The following RBM6 variants were observed in gnomAD, a reference collection of about 807,000 sequenced individuals.
The protein encoded by RBM6 is RNA-binding protein 6.
A neutral mutation model predicts 140.4 loss-of-function variants in RBM6; 23 were observed. That is an observed-to-expected ratio of 0.16 (90% CI 0.12 to 0.23). The LOEUF (loss-of-function observed/expected upper bound fraction) is 0.23, where lower values mean the gene tolerates loss of function less well. RBM6 is among the 10% of genes least tolerant of loss of function. The pLI is 1.00. For missense variants in RBM6, 1,139 were observed against 1,386.7 expected (o/e 0.82, Z 2.84); for synonymous variants, 439 against 475.6 (o/e 0.92, Z 1.00).
At chr3:49,975,802 T>G (rs1273335002) in intron 5 of RBM6, among the ~76,000 whole-genome samples, 1 of 152,224 alleles carries the variant, frequency 6.6e-6, no homozygotes, top group Non-Finnish European at 1.5e-5. Context: ...CCAGAGAAAT[T>G]GTACAAATTA....
At chr3:49,995,747 T>C (rs1156831238) in intron 5 of RBM6, among the ~76,000 whole-genome samples, 3 of 152,176 alleles carry the variant, frequency 2.0e-5, no homozygotes, top group Non-Finnish European at 4.4e-5. Flanking sequence ...AAAATAAGTC[T>C]GTCCATGGGA....
At chr3:50,054,580 A>G (rs887558914) in intron 8 of RBM6, among the ~76,000 whole-genome samples, 185 bp downstream of exon 8, 4 of 148,798 alleles carry the variant, frequency 2.7e-5, no homozygotes, top group African/African-American at 1.0e-4. Flanking sequence ...ATCTTGGCTC[A>G]CTGCAACCTC....
chr3:49,947,784 A>G (rs550793525), intron 1 of RBM6, among the ~76,000 whole-genome samples: 2 of 152,330 alleles, frequency 1.3e-5, no homozygotes, highest in East Asian at 3.9e-4. Flanking sequence ...ATTGTTATGC[A>G]TGTGGATATT....
intron 5 of RBM6, among the ~76,000 whole-genome samples, chr3:49,984,594 T>TCG (rs2085459434): frequency 3.5e-5 from 3 of 85,470 alleles, no homozygotes; most frequent in African/African-American, 1.2e-4. Flanking sequence ...TGACATCACA[T>TCG]CACATCACAT....
At position 49,982,964 on chromosome 3, in the gene RBM6, G is replaced by A. The variant is rs767025985; in HGVS notation, c.1483+7572G>A. Among the ~76,000 whole-genome samples, 5 of 152,066 alleles carry A rather than the reference G, an allele frequency of 3.3e-5. No homozygotes were observed. The East Asian group carries it at 7.7e-4, about 24-fold the overall frequency. ...TGACTTCAAGCAATCCACCTGCCTC[G>A]GCCTCCCAAAGTGCTGGGATTACAG... On this transcript the variant is annotated intron_variant, in intron 5 of 20. Transcript: ENST00000266022.
Position 49,967,493 on chromosome 3 carries a change from C to T in RBM6, c.68C>T (p.Ala23Val), listed in dbSNP as rs1231542102. The stretch of plus-strand genomic sequence containing the variant: ...AGTGGGAGCCAAGAAGAAAGGTTTG[C>T]TCCCGGGTGGAACAGGGATTATCCT... Reference protein sequence around the residue: ...PFRGSQEERFAPGWNRDYPPP... With the variant: ...PFRGSQEERFVPGWNRDYPPP... The change falls in exon 3 of 21, where the codon GCT becomes GTT. Residue 23 changes from alanine to valine, a missense_variant. Transcript: ENST00000266022. The surrounding 1 kb of genome is among the most constrained non-coding windows in gnomAD (Gnocchi z 4.0). The T allele has an allele frequency of 6.2e-7, 1 of 1,613,832 alleles. No homozygotes were observed. Among genetic ancestry groups the T allele is most frequent in the Non-Finnish European group, 8.5e-7 (1 of 1,179,808 alleles).
chr3:49,982,877 A>G (rs1168575340), intron 5 of RBM6, among the ~76,000 whole-genome samples: 1 of 147,202 alleles, frequency 6.8e-6, no homozygotes, highest in East Asian at 2.0e-4. Flanking sequence ...GTGCCCAGCT[A>G]ATTTTTGTAT....
rs1219115550 is a variant in RBM6, at chr3:50,059,632, T to C, written c.2131-17T>C. 4 of 1,603,890 alleles carry C rather than the reference T, an allele frequency of 2.5e-6. No homozygotes were observed. Among genetic ancestry groups the C allele is most frequent in the African/African-American group, 2.7e-5 (2 of 74,704 alleles). On this transcript the variant is annotated splice_polypyrimidine_tract_variant and intron_variant, in intron 10 of 20. Coordinates refer to ENST00000266022, the MANE Select transcript of RBM6 (RefSeq NM_005777.3). ...GGCATTTTCTGTCTCTGGGTTCAAG[T>C]GTGTCTGGTTCTATAGGAAGCTCTT... is the stretch of plus-strand genomic sequence containing the variant.
chr3:49,994,930 C>G (rs2086013680), intron 5 of RBM6, among the ~76,000 whole-genome samples: 1 of 152,104 alleles, frequency 6.6e-6, no homozygotes, highest in South Asian at 2.1e-4. Context: ...AGATCCATCT[C>G]ATTTACCTAA....
chr3:49,964,886 C>T (rs2084438087), intron 2 of RBM6, among the ~76,000 whole-genome samples: 1 of 152,012 alleles, frequency 6.6e-6, no homozygotes, highest in African/African-American at 2.4e-5. Flanking sequence ...TATATTTTCC[C>T]ACCTTAATTT....
intron 5 of RBM6, among the ~76,000 whole-genome samples, chr3:49,987,526 A>G (rs1408102038): frequency 6.6e-6 from 1 of 152,042 alleles, no homozygotes; most frequent in African/African-American, 2.4e-5. Context: ...CATGTTGGCC[A>G]GGCAGGTCTT....
intron 6 of RBM6, among the ~76,000 whole-genome samples, chr3:50,020,717 C>G (rs2087433355): frequency 1.3e-5 from 2 of 152,154 alleles, no homozygotes; most frequent in Admixed American, 6.6e-5. Flanking sequence ...CCCACCTAGG[C>G]TATATCATTT....
chr3:50,016,518 A>G (rs1403304061), intron 6 of RBM6, among the ~76,000 whole-genome samples: 1 of 149,726 alleles, frequency 6.7e-6, no homozygotes, highest in Non-Finnish European at 1.5e-5. Flanking sequence ...TTTTTTTTTT[A>G]AGAACCTCCA....
intron 9 of RBM6, 44 bp downstream of exon 9, chr3:50,058,047 A>G (rs776530314): frequency 3.8e-6 from 6 of 1,590,792 alleles, no homozygotes; most frequent in East Asian, 2.2e-5. Flanking sequence ...GATCATCACA[A>G]TGGAGCATAG....
chr3:50,028,599 A>T (rs2087971525), intron 6 of RBM6, among the ~76,000 whole-genome samples: 1 of 152,130 alleles, frequency 6.6e-6, no homozygotes, highest in Non-Finnish European at 1.5e-5. Context: ...GTCATGAGAG[A>T]TATGATATAA....
At chr3:49,983,406 A>G (rs1291326433) in intron 5 of RBM6, among the ~76,000 whole-genome samples, 3 of 152,026 alleles carry the variant, frequency 2.0e-5, no homozygotes, top group Admixed American at 1.3e-4. Context: ...ACATGAGCTC[A>G]GGAGTTTGTG....
At chr3:49,957,922 C>A (rs531900312) in intron 1 of RBM6, among the ~76,000 whole-genome samples, 1 of 151,394 alleles carries the variant, frequency 6.6e-6, no homozygotes. Context: ...ACCTCTGCCT[C>A]CCGGGTTCAA....
chr3:50,023,193 G>A (rs2087604536), intron 6 of RBM6, among the ~76,000 whole-genome samples: 2 of 151,784 alleles, frequency 1.3e-5, no homozygotes, highest in Admixed American at 6.6e-5. Flanking sequence ...AATCTTTCAC[G>A]TTCTTCCTCC....
intron 7 of RBM6, among the ~76,000 whole-genome samples, chr3:50,052,986 GGTGTGTGTGTGTGTGTGTGTGTGT>G (rs57244510): frequency 2.7e-4 from 36 of 134,748 alleles, no homozygotes; most frequent in Middle Eastern, 3.8e-3. Flanking sequence ...AGTGGGCAGG[GGTGTGTGTGTGTGTGTGTGTGTGT>G]GTGTGTGTGT....
Sources: gnomAD v4.1 joint callset for allele counts (sites outside exome capture counted in the v4.1 genomes callset) on GRCh38, gnomAD v4.1.1 for gene constraint, Gnocchi (gnomAD v3.1) non-coding constraint, MANE v1.5 for transcripts, NCBI Gene and HGNC (gene_info 2026-07-23, HGNC 2026-07-21) for gene names.